Variants in ADGRL3 observed in about 807,000 individuals in gnomAD.
ADGRL3 encodes the protein calcium-independent alpha-latrotoxin receptor 3.
Under a neutral mutation model 153.5 loss-of-function variants are expected in ADGRL3, and 62 were observed. The ratio of observed to expected loss-of-function variants is 0.40; its 90% confidence interval spans 0.33 to 0.50. The LOEUF is 0.50. Ranked by LOEUF, ADGRL3 falls within the 20% of genes least tolerant of loss-of-function variation. The pLI is 0.47. For missense variants in ADGRL3, 1,641 were observed against 1,859.4 expected (o/e 0.88, Z 2.16); for synonymous variants, 710 against 672.5 (o/e 1.06, Z -0.86).
At chr4:61,920,438 C>A (rs574361342) in intron 13 of ADGRL3, among the ~76,000 whole-genome samples, 2 of 152,282 alleles carry the variant, frequency 1.3e-5, no homozygotes, top group African/African-American at 4.8e-5. Context: ...TGGATCCAAA[C>A]AAATGATTTT....
At chr4:61,346,786 A>G (rs1002257634) in intron 1 of ADGRL3, among the ~76,000 whole-genome samples, 12 of 151,154 alleles carry the variant, frequency 7.9e-5, no homozygotes, top group Non-Finnish European at 1.2e-4. Flanking sequence ...TGTCTCAAAA[A>G]AAAAAAAAAA....
intron 9 of ADGRL3, among the ~76,000 whole-genome samples, chr4:61,871,064 G>C (rs1254581757): frequency 6.6e-6 from 1 of 152,138 alleles, no homozygotes; most frequent in East Asian, 1.9e-4. Context: ...GAATCACGAG[G>C]TCAGGAGATC....
At chr4:61,415,198 C>T (rs1359547370) in intron 2 of ADGRL3, among the ~76,000 whole-genome samples, 1 of 151,772 alleles carries the variant, frequency 6.6e-6, no homozygotes, top group Non-Finnish European at 1.5e-5. Flanking sequence ...ATATCAAGGA[C>T]CTCAGCTGAG....
intron 1 of ADGRL3, among the ~76,000 whole-genome samples, chr4:61,218,658 A>G (rs1470647): frequency 0.42 from 63,936 of 151,932 alleles, 13,861 homozygotes; most frequent in Middle Eastern, 0.54. Context: ...GTTAAACACA[A>G]TTGTGATAAA....
At chr4:61,524,971 AATTTAATTCATAT>A (rs1352153849) in intron 4 of ADGRL3, among the ~76,000 whole-genome samples, 2 of 152,078 alleles carry the variant, frequency 1.3e-5, no homozygotes, top group East Asian at 3.9e-4. Context: ...GAGAGACAGT[AATTTAATTCATAT>A]ATTTCTTGTG....
At chr4:62,008,080 C>T (rs1479529561) in intron 21 of ADGRL3, among the ~76,000 whole-genome samples, 2 of 151,972 alleles carry the variant, frequency 1.3e-5, no homozygotes, top group Non-Finnish European at 2.9e-5. Context: ...TTGGCAGAGC[C>T]ATTGATGAAG....
chr4:61,969,044 G>A (rs2099017050), intron 17 of ADGRL3, among the ~76,000 whole-genome samples: 1 of 152,030 alleles, frequency 6.6e-6, no homozygotes, highest in Admixed American at 6.6e-5. Flanking sequence ...ATATATTGTA[G>A]CACCATGATC....
intron 1 of ADGRL3, among the ~76,000 whole-genome samples, chr4:61,338,164 G>A (rs1054220972): frequency 1.3e-5 from 2 of 151,848 alleles, no homozygotes; most frequent in Non-Finnish European, 2.9e-5. Flanking sequence ...CCAGCTACTC[G>A]GGAGGCTGAG....
At chr4:61,209,274 T>C (rs1299818622) in intron 1 of ADGRL3, among the ~76,000 whole-genome samples, 1 of 152,084 alleles carries the variant, frequency 6.6e-6, no homozygotes, top group African/African-American at 2.4e-5. Context: ...GGACTGAGAG[T>C]CACTTGAATA....
chr4:61,253,123 T>A (rs2091620330), intron 1 of ADGRL3, among the ~76,000 whole-genome samples: 1 of 152,176 alleles, frequency 6.6e-6, no homozygotes, highest in Non-Finnish European at 1.5e-5. Context: ...CATCTACAGG[T>A]GATTGCGCCT....
intron 5 of ADGRL3, among the ~76,000 whole-genome samples, chr4:61,613,782 A>G (rs2091675262): frequency 6.6e-6 from 1 of 152,192 alleles, no homozygotes; most frequent in Admixed American, 6.5e-5. Context: ...TTTAATTGTA[A>G]TCACATTAGT....
At chr4:61,957,445 T>C (rs1194583226) in intron 17 of ADGRL3, among the ~76,000 whole-genome samples, 1 of 152,004 alleles carries the variant, frequency 6.6e-6, no homozygotes, top group Non-Finnish European at 1.5e-5. Context: ...GGCCATCTCA[T>C]AGTCCATAAA....
intron 4 of ADGRL3, among the ~76,000 whole-genome samples, chr4:61,557,719 G>GT (rs2098773649): frequency 6.6e-6 from 1 of 151,936 alleles, no homozygotes; most frequent in Admixed American, 6.6e-5. Flanking sequence ...TCCTCACAGG[G>GT]TGTGCACTCT....
At chr4:61,987,125 T>TTTTATTTTATTTTA (rs1177958133) in intron 19 of ADGRL3, among the ~76,000 whole-genome samples, 1 of 147,228 alleles carries the variant, frequency 6.8e-6, no homozygotes, top group Non-Finnish European at 1.5e-5. Flanking sequence ...TTTTATTTTA[T>TTTTATTTTATTTTA]TTTATTTTAT....
chr4:61,563,061 AGT>A (rs890587402), intron 4 of ADGRL3, among the ~76,000 whole-genome samples: 1 of 152,030 alleles, frequency 6.6e-6, no homozygotes, highest in African/African-American at 2.4e-5. Flanking sequence ...AGCTATAGAG[AGT>A]GTTATATGTA....
chr4:61,664,518 A>G lies in ADGRL3; in HGVS notation c.474-12308A>G, dbSNP rs1435763789. 1.3e-5 allele frequency among the ~76,000 whole-genome samples: 2 copies of G among 152,140 alleles called. 1 individual carries two copies. Among genetic ancestry groups the G allele is most frequent in the African/African-American group, 4.8e-5 (2 of 41,444 alleles). On this transcript the variant is annotated intron_variant, in intron 5 of 26. Coordinates refer to ENST00000683033, the MANE Select transcript of ADGRL3 (RefSeq NM_001387552.1). ...ACCTTTATACATGCATACAGCTACA[A>G]TACTTTTTTTTAATTTTTTCATTTT...
chr4:62,023,124 A>G (rs1158858861), intron 21 of ADGRL3, among the ~76,000 whole-genome samples: 1 of 152,186 alleles, frequency 6.6e-6, no homozygotes, highest in Non-Finnish European at 1.5e-5. Context: ...AAATGTTAAC[A>G]TCAATAGGAT....
chr4:61,579,080 C>A (rs1055813621), intron 4 of ADGRL3, among the ~76,000 whole-genome samples: 1 of 152,022 alleles, frequency 6.6e-6, no homozygotes, highest in African/African-American at 2.4e-5. Flanking sequence ...TGTGTTAACT[C>A]TGAAGCTTCT....
intron 4 of ADGRL3, among the ~76,000 whole-genome samples, chr4:61,551,512 T>G (rs2148816751): frequency 6.6e-6 from 1 of 152,272 alleles, no homozygotes; most frequent in South Asian, 2.1e-4. Context: ...AATCCAGCAT[T>G]TTACTCATAT....
Sources: gnomAD v4.1 joint callset for allele counts (sites outside exome capture counted in the v4.1 genomes callset) on GRCh38, gnomAD v4.1.1 for gene constraint, MANE v1.5 for transcripts, NCBI Gene and HGNC (gene_info 2026-07-23, HGNC 2026-07-21) for gene names.